The following RNF220 variants were observed in gnomAD, a reference collection of about 807,000 sequenced individuals.
The protein encoded by RNF220 is E3 ubiquitin-protein ligase RNF220.
RNF220 carries 7 observed loss-of-function variants against 67.1 expected under a neutral mutation model. That is an observed-to-expected ratio of 0.10 (90% confidence interval 0.06 to 0.20). The LOEUF (loss-of-function observed/expected upper bound fraction) is 0.20. Ranked by LOEUF, RNF220 falls within the 10% of genes least tolerant of loss-of-function variation. RNF220 has a pLI of 1.00. For missense variants in RNF220, 565 were observed against 740.3 expected (o/e 0.76, Z 2.75); for synonymous variants, 270 against 283.2 (o/e 0.95, Z 0.47).
chr1:44,506,454 G>A (rs1658433578), intron 2 of RNF220, among the ~76,000 whole-genome samples: 1 of 152,252 alleles, frequency 6.6e-6, no homozygotes, highest in African/African-American at 2.4e-5. Flanking sequence ...CAGGAGTGGA[G>A]TGAGGGCAGG....
At chr1:44,555,229 A>G (rs577476303) in intron 2 of RNF220, among the ~76,000 whole-genome samples, 3 of 152,084 alleles carry the variant, frequency 2.0e-5, no homozygotes, top group African/African-American at 7.2e-5. Context: ...CACCACGCCT[A>G]GCTAAGTTTT....
intron 2 of RNF220, among the ~76,000 whole-genome samples, chr1:44,595,436 C>T (rs953483053): frequency 5.3e-5 from 8 of 152,162 alleles, no homozygotes; most frequent in South Asian, 2.1e-4. Flanking sequence ...TCTGGCTCCC[C>T]GGGACAGACT....
chr1:44,517,949 T>A (rs270720), intron 2 of RNF220, among the ~76,000 whole-genome samples: 144,419 of 152,002 alleles, frequency 0.95, 69,017 homozygotes, highest in East Asian at 1. Flanking sequence ...TCTACTGAAA[T>A]TACAAAAATT....
intron 2 of RNF220, among the ~76,000 whole-genome samples, chr1:44,501,154 G>A (rs1037087586): frequency 6.7e-6 from 1 of 148,376 alleles, no homozygotes; most frequent in Non-Finnish European, 1.5e-5. Context: ...GGAGAGTCTT[G>A]TGCTTGGGGG....
intron 1 of RNF220, among the ~76,000 whole-genome samples, chr1:44,411,457 TG>T (rs1486402638): frequency 3.3e-5 from 5 of 152,226 alleles, no homozygotes; most frequent in Non-Finnish European, 7.3e-5. Context: ...CTAACTAATA[TG>T]TACAAGTGTT....
chr1:44,502,935 T>G (rs912520817), intron 2 of RNF220, among the ~76,000 whole-genome samples: 3 of 152,050 alleles, frequency 2.0e-5, no homozygotes, highest in Non-Finnish European at 2.9e-5. Flanking sequence ...CTGACTAATT[T>G]TTTCTATTTT....
intron 2 of RNF220, among the ~76,000 whole-genome samples, chr1:44,560,267 C>A (rs1302757670): frequency 2.0e-5 from 3 of 152,126 alleles, no homozygotes; most frequent in Non-Finnish European, 2.9e-5. Context: ...TTCTACCGCT[C>A]TCCCCAGTTC....
In RNF220 at chr1:44,446,560, C is replaced by T. The variant is rs539348454; in HGVS notation, c.625+33838C>T. On this transcript the variant is annotated intron_variant, in intron 2 of 14. Coordinates refer to ENST00000361799, the MANE Select transcript of RNF220 (RefSeq NM_018150.4). ...GGACCGGGCCGTTCCTTGGAGTAAC[C>T]TTTTTTTTTTTTTTTTTGAGATGGA... 5.5e-3 allele frequency among the ~76,000 whole-genome samples: 749 copies of T among 137,306 alleles called. 5 individuals carry two copies. Among genetic ancestry groups the T allele is most frequent in the Non-Finnish European group, 6.8e-3 (431 of 63,116 alleles). 90.1% of individuals were successfully genotyped at this position (137,306 alleles called of 152,430 possible).
At chr1:44,484,595 G>A (rs935199405) in intron 2 of RNF220, among the ~76,000 whole-genome samples, 18 of 152,096 alleles carry the variant, frequency 1.2e-4, no homozygotes, top group African/African-American at 4.3e-4. Flanking sequence ...AAAGGAGGCT[G>A]GGCACCAGGG....
intron 6 of RNF220, 64 bp downstream of exon 6, chr1:44,632,449 C>T: frequency 3.4e-6 from 5 of 1,467,490 alleles, no homozygotes; most frequent in East Asian, 5.0e-5. Context: ...CCCTCACTGC[C>T]TGCCGCTCCT....
intron 2 of RNF220, among the ~76,000 whole-genome samples, chr1:44,579,172 AAAAG>A (rs553480381): frequency 2.0e-5 from 3 of 152,112 alleles, no homozygotes; most frequent in South Asian, 2.1e-4. Flanking sequence ...AAAAAAAAGA[AAAAG>A]AAAGAAAGAA....
chr1:44,579,702 G>C (rs532289292), intron 2 of RNF220, among the ~76,000 whole-genome samples: 1 of 152,240 alleles, frequency 6.6e-6, no homozygotes, highest in Admixed American at 6.5e-5. Context: ...CTCTGCTTAA[G>C]TAAGTCCCCA....
chr1:44,650,218 A>G lies in RNF220; in HGVS notation c.1629+261A>G. 1.8e-6 allele frequency: 1 copy of G among 570,588 alleles called. No individual in the cohort carries two copies. Among genetic ancestry groups the G allele is most frequent in the Non-Finnish European group, 3.1e-6 (1 of 319,466 alleles). 35.3% of individuals were successfully genotyped at this position (570,588 alleles called of 1,614,324 possible). On this transcript the variant is annotated intron_variant, in intron 14 of 14. Transcript: ENST00000361799. This position sits in a 1 kb window ranked among gnomAD's most constrained non-coding sequence, Gnocchi z 4.3. Reference sequence around the variant, plus strand: ...GCCCCGGTCCCCGAAGGCCCACTGCATCACACAGACTGGTGAGGCCTGGGG... The same window carrying G: ...GCCCCGGTCCCCGAAGGCCCACTGCGTCACACAGACTGGTGAGGCCTGGGG...
intron 2 of RNF220, among the ~76,000 whole-genome samples, chr1:44,518,340 G>C (rs528495327): frequency 6.6e-6 from 1 of 152,134 alleles, no homozygotes. Context: ...TAGGAGGATC[G>C]CTTGAGCTCG....
chr1:44,644,737 A>G lies in RNF220; in HGVS notation c.1166A>G (p.Asp389Gly). Residue 389 changes from aspartate to glycine, a missense_variant, in exon 9 of 15, where the codon GAC (aspartate) becomes GGC (glycine). Coordinates refer to ENST00000361799, the MANE Select transcript of RNF220 (RefSeq NM_018150.4). ...ATGTGCAGCGGCAAAGAGAACCCGG[A>G]CAGTGATGCTGACTTGGATGTGGAT... ...FIMCSGKENP[D>G]SDADLDVDGD... 6.2e-7 allele frequency: 1 copy of G among 1,614,126 alleles called. No individual in the cohort carries two copies.
chr1:44,506,940 A>G (rs1299915391), intron 2 of RNF220, among the ~76,000 whole-genome samples: 1 of 152,178 alleles, frequency 6.6e-6, no homozygotes. Flanking sequence ...GGAGTCTCAA[A>G]TAACCCATCA....
In RNF220 at chr1:44,412,975, TA is replaced by T. The variant is rs1572414049; in HGVS notation, c.625+254del. Among the ~76,000 whole-genome samples, 1 of 152,248 alleles carries T rather than the reference TA, an allele frequency of 6.6e-6. No individual in the cohort carries two copies. The highest frequency in any genetic ancestry group is 1.9e-4 in the East Asian group (1 of 5,186). On this transcript the variant is annotated intron_variant, in intron 2 of 14. Transcript: ENST00000361799. This position sits in a 1 kb window ranked among gnomAD's most constrained non-coding sequence, Gnocchi z 5.3. The stretch of plus-strand genomic sequence containing the variant: ...CTTTCTCTCCGGACCCTAGTGGGCT[TA>T]TTCTCTGAGGACTTGAGTGAAGAGG...
chr1:44,509,882 GTCCAAAAAAAAAA>G (rs1658810695), intron 2 of RNF220, among the ~76,000 whole-genome samples: 1 of 15,168 alleles, frequency 6.6e-5, no homozygotes. Flanking sequence ...GCGAGACCCT[GTCCAAAAAAAAAA>G]AAAAAAAAAA....
At chr1:44,438,147 A>G (rs762236475) in intron 2 of RNF220, among the ~76,000 whole-genome samples, 1 of 152,048 alleles carries the variant, frequency 6.6e-6, no homozygotes, top group Non-Finnish European at 1.5e-5. Flanking sequence ...TTGAGACAGC[A>G]TTTTGCTCAG....
Sources: allele counts gnomAD v4.1 joint callset (sites outside exome capture counted in the v4.1 genomes callset), GRCh38; gene constraint gnomAD v4.1.1; non-coding constraint Gnocchi (gnomAD v3.1); transcripts MANE v1.5; gene names NCBI Gene and HGNC (gene_info 2026-07-23, HGNC 2026-07-21).